The following AGR3 variants were observed in gnomAD, a reference collection of about 807,000 sequenced individuals.
AGR3 encodes anterior gradient 3, protein disulphide isomerase family member.
AGR3 carries 37 observed loss-of-function variants against 24.5 expected under a neutral mutation model. The observed-to-expected ratio is 1.51, with a 90% confidence interval of 1.16 to 1.99. The LOEUF (loss-of-function observed/expected upper bound fraction) is 1.99, where lower values mean the gene tolerates loss of function less well. AGR3 is among the 30% of genes most tolerant of loss of function. The pLI, the probability that AGR3 is intolerant of heterozygous loss-of-function variation, is 0.00. For missense variants in AGR3, 228 were observed against 191.1 expected, an observed-to-expected ratio of 1.19 and a Z score of -1.14; for synonymous variants, 75 against 61.6, an observed-to-expected ratio of 1.22 and a Z score of -1.02.
At position 16,864,948 on chromosome 7, in the gene AGR3, G is replaced by C. The variant is rs535558557; in HGVS notation, c.174-2286C>G. The C allele has an allele frequency of 2.9e-4, 291 of 992,360 alleles. No homozygotes were observed. In the African/African-American group the frequency reaches 4.2e-3, roughly 14 times the overall value. The allele number at this position is 992,360 out of a possible 1,614,324, so 61.5% of individuals were successfully genotyped here. ...CCATGAAGAAGTCTATGTAGTTTTG[G>C]TGAAGATATAAATTAAATAAGTCTC... is the stretch of plus-strand genomic sequence containing the variant. On this transcript the variant is annotated intron_variant, in intron 3 of 7. Transcript: ENST00000310398.
intron 7 of AGR3, among the ~76,000 whole-genome samples, chr7:16,860,293 T>A (rs1434759743): frequency 6.6e-6 from 1 of 152,196 alleles, no homozygotes; most frequent in Non-Finnish European, 1.5e-5. Flanking sequence ...TTAGTAATCC[T>A]AAAATCCCTT....
At chr7:16,854,776 G>T (rs1781533060), downstream of AGR3, among the ~76,000 whole-genome samples, 1 of 152,178 alleles carries the variant, frequency 6.6e-6, no homozygotes, top group Admixed American at 6.5e-5. Flanking sequence ...GGGCTGTGAA[G>T]GAGAATCTTT....
chr7:16,865,926 G>GT, intron 3 of AGR3: 1 of 704,282 alleles, frequency 1.4e-6, no homozygotes, highest in Non-Finnish European at 2.6e-6. Context: ...GATCCATCCT[G>GT]TTTTGGTTGC....
intron 3 of AGR3, among the ~76,000 whole-genome samples, chr7:16,870,564 A>G (rs989918645): frequency 5.9e-5 from 9 of 152,134 alleles, no homozygotes; most frequent in Admixed American, 4.6e-4. Context: ...TAATTTAAAG[A>G]AATTAATATT....
chr7:16,860,559 T>TCTGTTAGAGTATCTTC lies in AGR3; in HGVS notation c.391_392insGAAGATACTCTAACAG (p.Asp131GlyfsTer13). 6.2e-7 allele frequency: 1 copy of TCTGTTAGAGTATCTTC among 1,613,770 alleles called. No homozygotes were observed. Among genetic ancestry groups the TCTGTTAGAGTATCTTC allele is most frequent in the Non-Finnish European group, 8.5e-7 (1 of 1,179,760 alleles). ...TCTGTTAGAGTATCTTCCAGCTATGTCAGCTCTAACTGTTAAAGAAGGGTC... is the reference window on the plus strand; with the variant it reads ...TCTGTTAGAGTATCTTCCAGCTATGTCTGTTAGAGTATCTTCCAGCTCTAACTGTTAAAGAAGGGTC... On this transcript the variant is annotated frameshift_variant, in exon 7 of 8. Coordinates refer to ENST00000310398, the MANE Select transcript of AGR3 (RefSeq NM_176813.5). LOFTEE classifies it high-confidence loss of function.
chr7:16,878,424 A>G, intron 2 of AGR3, 86 bp downstream of exon 2: 2 of 1,169,232 alleles, frequency 1.7e-6, no homozygotes, highest in South Asian at 1.5e-5. Context: ...AATTTGCTTT[A>G]TAATTAGACT....
chr7:16,869,959 CT>C (rs1781833930), intron 3 of AGR3, among the ~76,000 whole-genome samples: 1 of 151,682 alleles, frequency 6.6e-6, no homozygotes, highest in Non-Finnish European at 1.5e-5. Flanking sequence ...TTAGAATTAT[CT>C]TTTTAAAAAA....
downstream of AGR3, among the ~76,000 whole-genome samples, chr7:16,856,840 C>T (rs1781561289): frequency 6.7e-6 from 1 of 149,600 alleles, no homozygotes; most frequent in South Asian, 2.1e-4. Context: ...TATATGTATA[C>T]ACACACACAC....
chr7:16,860,304 A>AG (rs1199414316), intron 7 of AGR3, 196 bp downstream of exon 7: 3 of 527,932 alleles, frequency 5.7e-6, no homozygotes, highest in Non-Finnish European at 1.0e-5. Context: ...AAAATCCCTT[A>AG]GACATCCCTG....
At chr7:16,857,111 T>C (rs972881526), downstream of AGR3, among the ~76,000 whole-genome samples, 2 of 152,020 alleles carry the variant, frequency 1.3e-5, no homozygotes, top group African/African-American at 4.8e-5. Flanking sequence ...TGCCTCAGCT[T>C]CCCCAGTAGC....
intron 3 of AGR3, among the ~76,000 whole-genome samples, chr7:16,863,221 C>A (rs993571518): frequency 1.3e-4 from 20 of 152,302 alleles, no homozygotes; most frequent in Admixed American, 1.2e-3. Flanking sequence ...AAAATCAATT[C>A]TGTATCCAGA....
intron 2 of AGR3, among the ~76,000 whole-genome samples, chr7:16,874,106 T>A (rs572779321): frequency 1.9e-4 from 29 of 152,342 alleles, no homozygotes; most frequent in African/African-American, 7.0e-4. Context: ...CATGTTGTTA[T>A]GATTAGAGCT....
intron 3 of AGR3, chr7:16,865,036 CT>C (rs1361337202): frequency 1.1e-5 from 9 of 819,380 alleles, no homozygotes; most frequent in Admixed American, 3.4e-5. Flanking sequence ...TGTTCATATT[CT>C]GATAAATGAG....
At chr7:16,867,307 A>G (rs1332450556) in intron 3 of AGR3, among the ~76,000 whole-genome samples, 1 of 152,076 alleles carries the variant, frequency 6.6e-6, no homozygotes, top group Non-Finnish European at 1.5e-5. Flanking sequence ...TTAAAATACC[A>G]CTTCCTGTAT....
chr7:16,861,008 A>G (rs1781631074), intron 6 of AGR3, among the ~76,000 whole-genome samples: 1 of 24,284 alleles, frequency 4.1e-5, no homozygotes, highest in South Asian at 1.3e-3. Flanking sequence ...AACAAATGTC[A>G]AACCAATTTA....
At chr7:16,877,510 A>T (rs1292182043) in intron 2 of AGR3, among the ~76,000 whole-genome samples, 1 of 151,802 alleles carries the variant, frequency 6.6e-6, no homozygotes, top group Admixed American at 6.6e-5. Flanking sequence ...GAATAGCTAT[A>T]TGGGGACAAA....
chr7:16,868,334 T>A (rs1201402090), intron 3 of AGR3, among the ~76,000 whole-genome samples: 1 of 152,120 alleles, frequency 6.6e-6, no homozygotes, highest in Non-Finnish European at 1.5e-5. Context: ...TTTGTATTTT[T>A]AGTAGAGATG....
intron 3 of AGR3, chr7:16,865,508 A>G: frequency 2.8e-6 from 2 of 710,506 alleles, no homozygotes; most frequent in Non-Finnish European, 5.1e-6. Flanking sequence ...AGAAACTTTG[A>G]TTATTTTTAC....
chr7:16,867,026 T>C (rs1781771515), intron 3 of AGR3, among the ~76,000 whole-genome samples: 1 of 152,160 alleles, frequency 6.6e-6, no homozygotes, highest in African/African-American at 2.4e-5. Flanking sequence ...GGGGAGCATC[T>C]ACAGGACTAA....
Sources: gnomAD v4.1 joint callset for allele counts (sites outside exome capture counted in the v4.1 genomes callset) on GRCh38, gnomAD v4.1.1 for gene constraint, MANE v1.5 for transcripts, NCBI Gene and HGNC (gene_info 2026-07-23, HGNC 2026-07-21) for gene names.